ARID5B: variants seen among roughly 807,000 people sequenced by gnomAD.
ARID5B encodes the protein AT-rich interactive domain-containing protein 5B.
A neutral mutation model predicts 97.2 loss-of-function variants in ARID5B; 13 were observed. That is an observed-to-expected ratio of 0.13 (90% CI 0.09 to 0.21). ARID5B has a LOEUF of 0.21. ARID5B is among the 10% of genes least tolerant of loss of function. The pLI is 1.00. For missense variants in ARID5B, 1,210 were observed against 1,465.3 expected, an observed-to-expected ratio of 0.83 and a Z score of 2.84; for synonymous variants, 556 against 570.3, an observed-to-expected ratio of 0.97 and a Z score of 0.36.
At chr10:61,942,543 G>A (rs1176697044) in intron 3 of ARID5B, among the ~76,000 whole-genome samples, 1 of 152,200 alleles carries the variant, frequency 6.6e-6, no homozygotes, top group African/African-American at 2.4e-5. Flanking sequence ...TGTAATCCCA[G>A]CACTTTGGGA....
At chr10:61,914,622 A>T (rs1391172507) in intron 2 of ARID5B, among the ~76,000 whole-genome samples, 1 of 152,218 alleles carries the variant, frequency 6.6e-6, no homozygotes, top group Admixed American at 6.5e-5. Flanking sequence ...CTCTTTCCCG[A>T]AACCATCTGC....
Position 61,907,593 on chromosome 10 carries a change from A to AT in ARID5B, c.276+5185dup, listed in dbSNP as rs527454476. ...GTTGCACTTATAATAGTTATTATTT[A>AT]TTTTTAGTAATCATCTTAAGCTAAG... On this transcript the variant is annotated intron_variant, in intron 2 of 9. Coordinates refer to ENST00000279873, the MANE Select transcript of ARID5B (RefSeq NM_032199.3). 8.3e-4 allele frequency among the ~76,000 whole-genome samples: 127 copies of AT among 152,346 alleles called. 2 individuals are homozygous for AT. In the South Asian group the frequency reaches 0.025, roughly 31 times the overall value.
At chr10:62,059,381 A>C (rs1468031960) in intron 7 of ARID5B, 86 bp downstream of exon 7, 1 of 1,092,784 alleles carries the variant, frequency 9.2e-7, no homozygotes, top group Non-Finnish European at 1.4e-6. Flanking sequence ...ATGCAAGGGC[A>C]AAACATCACT....
At chr10:61,909,288 T>C (rs979773431) in intron 2 of ARID5B, among the ~76,000 whole-genome samples, 12 of 150,376 alleles carry the variant, frequency 8.0e-5, no homozygotes, top group African/African-American at 2.7e-4. Context: ...CACCTCTGGG[T>C]CCTCTGCAAT....
intron 4 of ARID5B, among the ~76,000 whole-genome samples, chr10:62,037,019 C>T (rs142083814): frequency 2.0e-5 from 3 of 152,272 alleles, no homozygotes; most frequent in African/African-American, 4.8e-5. Flanking sequence ...AGCCAAGAAC[C>T]GCTTTCCACA....
At chr10:61,954,710 C>T (rs569328923) in intron 3 of ARID5B, among the ~76,000 whole-genome samples, 52 of 152,218 alleles carry the variant, frequency 3.4e-4, no homozygotes, top group African/African-American at 1.1e-3. Flanking sequence ...CTTGTGGTAT[C>T]TATTTATTCC....
chr10:61,977,157 C>T (rs931833437), intron 3 of ARID5B, among the ~76,000 whole-genome samples: 1 of 152,166 alleles, frequency 6.6e-6, no homozygotes, highest in Non-Finnish European at 1.5e-5. Flanking sequence ...TGGTTTCCAA[C>T]TTCATCTATG....
chr10:61,911,814 A>C (rs1451166081), intron 2 of ARID5B, among the ~76,000 whole-genome samples: 1 of 152,096 alleles, frequency 6.6e-6, no homozygotes, highest in African/African-American at 2.4e-5. Context: ...CCCTTGGCTC[A>C]CTTCCATGCT....
At chr10:61,984,807 T>C (rs1838824905) in intron 3 of ARID5B, among the ~76,000 whole-genome samples, 4 of 152,198 alleles carry the variant, frequency 2.6e-5, no homozygotes, top group Admixed American at 6.5e-5. Flanking sequence ...CACTGGTTCA[T>C]ACCAGTTACA....
rs116459636 is a variant in ARID5B, at chr10:62,019,059, A to G, written c.733+18738A>G. On this transcript the variant is annotated intron_variant, in intron 4 of 9. Coordinates refer to ENST00000279873, the MANE Select transcript of ARID5B (RefSeq NM_032199.3). ...CTTGGAAGCTCCTTCCATCAATCAG[A>G]ATACCAAATTTACATTGTTAGGTTC... Among the ~76,000 whole-genome samples the G allele has an allele frequency of 5.4e-3, 815 of 152,248 alleles. 7 individuals are homozygous for G. Among genetic ancestry groups the G allele is most frequent in the African/African-American group, 0.019 (788 of 41,536 alleles).
At chr10:62,038,904 T>A (rs1839598970) in intron 4 of ARID5B, among the ~76,000 whole-genome samples, 3 of 152,252 alleles carry the variant, frequency 2.0e-5, no homozygotes, top group Non-Finnish European at 4.4e-5. Flanking sequence ...GCTAAGTGTT[T>A]GAACTTGTTA....
chr10:61,934,402 G>C (rs374339644), intron 2 of ARID5B, among the ~76,000 whole-genome samples: 3 of 152,150 alleles, frequency 2.0e-5, no homozygotes, highest in Non-Finnish European at 4.4e-5. Flanking sequence ...GTTAACTGGC[G>C]CAAGAGGCCT....
chr10:61,989,895 A>G (rs906982614), intron 3 of ARID5B, among the ~76,000 whole-genome samples: 1 of 152,190 alleles, frequency 6.6e-6, no homozygotes, highest in African/African-American at 2.4e-5. Flanking sequence ...TCCAAAACCA[A>G]TACTTTGATT....
At chr10:62,070,346 A>G (rs759649869) in intron 8 of ARID5B, among the ~76,000 whole-genome samples, 3 of 152,202 alleles carry the variant, frequency 2.0e-5, no homozygotes, top group Non-Finnish European at 2.9e-5. Context: ...GAGGATGCAA[A>G]CAAGAAGTAA....
chr10:61,902,701 G>GTA (rs35528247), intron 2 of ARID5B, among the ~76,000 whole-genome samples: 2 of 145,326 alleles, frequency 1.4e-5, no homozygotes, highest in South Asian at 4.7e-4. Context: ...GTGTGTGTGT[G>GTA]TATGTGTGTG....
At chr10:61,962,780 TC>T (rs1351835857) in intron 3 of ARID5B, among the ~76,000 whole-genome samples, 1 of 152,224 alleles carries the variant, frequency 6.6e-6, no homozygotes, top group Non-Finnish European at 1.5e-5. Flanking sequence ...AGCAGTACCT[TC>T]ATCCATCGAC....
rs1173786595 is a variant in ARID5B at position 61,901,704 on chromosome 10, G to A, written c.-6G>A. On this transcript the variant is annotated 5_prime_UTR_variant, in exon 1 of 10. Transcript: ENST00000279873. Reference sequence around the variant, plus strand: ...ATGTTGAGTTCAATCAATTCAGAACGTCGAGATGGAGCCCAACTCACTCCA... The same window carrying A: ...ATGTTGAGTTCAATCAATTCAGAACATCGAGATGGAGCCCAACTCACTCCA... 9 of 1,613,782 alleles carry A rather than the reference G, an allele frequency of 5.6e-6. No individual in the cohort carries two copies. The highest frequency in any genetic ancestry group is 4.0e-5 in the African/African-American group (3 of 74,854).
rs568212985 is a variant in ARID5B at position 62,053,659 on chromosome 10, C to T, written c.846+2659C>T. ...GCATAGGACCCTAATAAAAGGCCTA[C>T]ATTGATAGAAGGCAAATTATTTTTA... On this transcript the variant is annotated intron_variant, in intron 5 of 9. Coordinates refer to ENST00000279873, the MANE Select transcript of ARID5B (RefSeq NM_032199.3). Among the ~76,000 whole-genome samples, 6 of 152,216 alleles carry T rather than the reference C, an allele frequency of 3.9e-5. No individual in the cohort carries two copies. The South Asian group carries it at 6.2e-4, about 16-fold the overall frequency.
intron 3 of ARID5B, among the ~76,000 whole-genome samples, chr10:61,982,657 T>C (rs1363691159): frequency 2.6e-5 from 4 of 152,196 alleles, no homozygotes; most frequent in Admixed American, 6.5e-5. Context: ...GGAAATTTGA[T>C]TGGAAGAATC....
Sources: allele counts gnomAD v4.1 joint callset (sites outside exome capture counted in the v4.1 genomes callset), GRCh38; gene constraint gnomAD v4.1.1; transcripts MANE v1.5; gene names NCBI Gene and HGNC (gene_info 2026-07-23, HGNC 2026-07-21).